LDB2: variants seen among roughly 807,000 people sequenced by gnomAD.
LDB2 encodes the protein LIM domain binding 2, also known as LIM domain-binding protein 2.
A neutral mutation model predicts 44.3 loss-of-function variants in LDB2; 12 were observed. The observed-to-expected ratio is 0.27, with a 90% confidence interval of 0.17 to 0.44. The LOEUF is 0.44. LDB2 is among the 20% of genes least tolerant of loss of function. LDB2 has a pLI of 1.00. For missense variants in LDB2, 344 were observed against 473.5 expected (o/e 0.73, Z 2.54); for synonymous variants, 164 against 174.8 (o/e 0.94, Z 0.49).
chr4:16,866,572 T>C (rs993312483), intron 1 of LDB2, among the ~76,000 whole-genome samples: 6 of 152,110 alleles, frequency 3.9e-5, no homozygotes, highest in Non-Finnish European at 8.8e-5. Flanking sequence ...TCTAGGTTAG[T>C]CAATGAAAAG....
chr4:16,857,402 T>G (rs571804187), intron 1 of LDB2, among the ~76,000 whole-genome samples: 1 of 152,336 alleles, frequency 6.6e-6, no homozygotes, highest in Admixed American at 6.5e-5. Flanking sequence ...GCTTCCATTC[T>G]TGCCTACCTA....
chr4:16,666,572 G>A (rs912900079), intron 2 of LDB2, among the ~76,000 whole-genome samples: 6 of 152,222 alleles, frequency 3.9e-5, no homozygotes, highest in Non-Finnish European at 7.3e-5. Flanking sequence ...ATGTTAAAGA[G>A]AACCAGGGTT....
intron 2 of LDB2, among the ~76,000 whole-genome samples, chr4:16,692,651 C>T (rs943548276): frequency 1.3e-5 from 2 of 152,088 alleles, no homozygotes; most frequent in Admixed American, 6.5e-5. Context: ...TTTCCACTCC[C>T]CACACCCCCT....
In LDB2 at chr4:16,533,006, G is replaced by A. The variant is rs1013256907; in HGVS notation, c.616-20902C>T. Among the ~76,000 whole-genome samples, 3 of 152,200 alleles carry A rather than the reference G, an allele frequency of 2.0e-5. No individual in the cohort carries two copies. The highest frequency in any genetic ancestry group is 2.9e-5 in the Non-Finnish European group (2 of 68,036). On this transcript the variant is annotated intron_variant, in intron 5 of 7. Transcript: ENST00000304523. This position sits in a 1 kb window ranked among gnomAD's most constrained non-coding sequence, Gnocchi z 4.1. ...AACATCTCAATCAGCTGAAAAGATG[G>A]AGTAAAATGAGGAGTTAGGGGATGG... is the stretch of plus-strand genomic sequence containing the variant.
intron 1 of LDB2, among the ~76,000 whole-genome samples, chr4:16,826,174 T>C (rs1015809355): frequency 1.4e-5 from 2 of 144,350 alleles, no homozygotes; most frequent in African/African-American, 2.9e-5. Flanking sequence ...GATCCAGAGA[T>C]AGATAGATTA....
At chr4:16,625,493 G>GTATC (rs1730037419) in intron 2 of LDB2, among the ~76,000 whole-genome samples, 1 of 152,112 alleles carries the variant, frequency 6.6e-6, no homozygotes, top group Admixed American at 6.5e-5. Context: ...ACTCATTGCT[G>GTATC]TATCTCCACA....
At chr4:16,562,425 C>T (rs542089163) in intron 5 of LDB2, among the ~76,000 whole-genome samples, 1 of 152,306 alleles carries the variant, frequency 6.6e-6, no homozygotes, top group East Asian at 1.9e-4. Flanking sequence ...AGACACTTCT[C>T]AAAAGAAGAC....
chr4:16,634,146 A>G (rs1732865007), intron 2 of LDB2, among the ~76,000 whole-genome samples: 1 of 152,244 alleles, frequency 6.6e-6, no homozygotes, highest in Non-Finnish European at 1.5e-5. Flanking sequence ...GTAAGATCTA[A>G]GACCATGAAA....
chr4:16,605,821 G>A (rs1244178460), intron 2 of LDB2, among the ~76,000 whole-genome samples: 1 of 152,186 alleles, frequency 6.6e-6, no homozygotes, highest in Non-Finnish European at 1.5e-5. Flanking sequence ...CTGCCCTAAG[G>A]ATGGAGGAGT....
At chr4:16,892,241 T>C (rs1349985330) in intron 1 of LDB2, among the ~76,000 whole-genome samples, 2 of 152,206 alleles carry the variant, frequency 1.3e-5, no homozygotes, top group African/African-American at 2.4e-5. Flanking sequence ...CCCCTCTTTA[T>C]CAAATTGTAA....
chr4:16,654,357 T>C (rs1242962875), intron 2 of LDB2, among the ~76,000 whole-genome samples: 2 of 152,076 alleles, frequency 1.3e-5, no homozygotes, highest in Non-Finnish European at 2.9e-5. Flanking sequence ...ATGGGAAATT[T>C]AGAGTAAGGC....
intron 2 of LDB2, 64 bp downstream of exon 2, chr4:16,759,094 A>G: frequency 9.9e-7 from 1 of 1,007,126 alleles, no homozygotes; most frequent in East Asian, 2.4e-5. Context: ...TTCTCTGAAG[A>G]CCCCTGCGGT....
chr4:16,655,351 C>A (rs1353560204), intron 2 of LDB2, among the ~76,000 whole-genome samples: 1 of 152,078 alleles, frequency 6.6e-6, no homozygotes, highest in African/African-American at 2.4e-5. Flanking sequence ...ACGCTGATGG[C>A]AGGTCTGGAG....
At chr4:16,692,125 A>T (rs2152601716) in intron 2 of LDB2, among the ~76,000 whole-genome samples, 1 of 152,302 alleles carries the variant, frequency 6.6e-6, no homozygotes, top group Non-Finnish European at 1.5e-5. Context: ...AGGCAAAAAA[A>T]AAAGTGTTCT....
At chr4:16,755,472 GGTGTGTGTGTGTGTGT>G (rs58186199) in intron 2 of LDB2, among the ~76,000 whole-genome samples, 2,139 of 118,322 alleles carry the variant, frequency 0.018, 48 homozygotes, top group African/African-American at 0.065. Context: ...GTAGGAATAG[GGTGTGTGTGTGTGTGT>G]GTGTGTGTGT....
In LDB2 at chr4:16,520,518, C is replaced by T. The variant is rs115393517; in HGVS notation, c.616-8414G>A. ...GATTGGTTGTCAAATTCAAAACATA[C>T]TCCTTTTTATCTGAAGATGCAACCG... On this transcript the variant is annotated intron_variant, in intron 5 of 7. Transcript: ENST00000304523. 9.2e-3 allele frequency among the ~76,000 whole-genome samples: 1,406 copies of T among 152,300 alleles called. 21 individuals carry two copies. The highest frequency in any genetic ancestry group is 0.032 in the African/African-American group (1,335 of 41,560).
At chr4:16,723,029 T>C (rs574899748) in intron 2 of LDB2, among the ~76,000 whole-genome samples, 59 of 152,328 alleles carry the variant, frequency 3.9e-4, no homozygotes, top group Non-Finnish European at 5.0e-4. Flanking sequence ...ACTCAACTTA[T>C]GATGGGTTTT....
intron 5 of LDB2, among the ~76,000 whole-genome samples, chr4:16,547,635 A>G (rs1043995462): frequency 1.3e-5 from 2 of 152,136 alleles, no homozygotes; most frequent in African/African-American, 4.8e-5. Flanking sequence ...GGGGATTCAT[A>G]CCACTACTCA....
chr4:16,688,778 G>A (rs1189112094), intron 2 of LDB2, among the ~76,000 whole-genome samples: 2 of 152,160 alleles, frequency 1.3e-5, no homozygotes, highest in South Asian at 2.1e-4. Context: ...ACAAAGTCTT[G>A]TAAACTAAAT....
Sources: allele counts gnomAD v4.1 joint callset (sites outside exome capture counted in the v4.1 genomes callset), GRCh38; gene constraint gnomAD v4.1.1; non-coding constraint Gnocchi (gnomAD v3.1); transcripts MANE v1.5; gene names NCBI Gene and HGNC (gene_info 2026-07-23, HGNC 2026-07-21).